The following RBBP4 variants were observed in gnomAD, a reference collection of about 807,000 sequenced individuals.
The protein encoded by RBBP4 is RB binding protein 4, chromatin remodeling factor.
A neutral mutation model predicts 57.2 loss-of-function variants in RBBP4; 3 were observed. The ratio of observed to expected loss-of-function variants is 0.05; its 90% CI spans 0.02 to 0.14. The LOEUF is 0.14. Among genes scored for constraint, RBBP4 ranks in the 10% least tolerant of loss-of-function variants. The pLI is 1.00. For synonymous variants in RBBP4, 151 were observed against 171.5 expected, an observed-to-expected ratio of 0.88 and a Z score of 0.93; for missense variants, 107 against 520.6, an observed-to-expected ratio of 0.21 and a Z score of 7.73.
chr1:32,670,410 T>C (rs1294938573), intron 8 of RBBP4, among the ~76,000 whole-genome samples: 1 of 152,168 alleles, frequency 6.6e-6, no homozygotes, highest in African/African-American at 2.4e-5. Context: ...ACGCTAAGCA[T>C]GTGGGAGTTT....
chr1:32,684,430 C>T lies in RBBP4; in HGVS notation c.*4725C>T, dbSNP rs1230071561. ...TTTCTAATGAGCCAAACAATAAAAACTCACATTGTCCACTCTTACTTATAA... is the reference window on the plus strand; with the variant it reads ...TTTCTAATGAGCCAAACAATAAAAATTCACATTGTCCACTCTTACTTATAA... On this transcript the variant is annotated 3_prime_UTR_variant, in exon 12 of 12. Transcript: ENST00000373493. 1 of 1,612,590 alleles carries T rather than the reference C, an allele frequency of 6.2e-7. No homozygotes were observed. The highest frequency in any genetic ancestry group is 8.5e-7 in the Non-Finnish European group (1 of 1,179,290).
At chr1:32,663,188 A>G (rs1265695571) in intron 3 of RBBP4, among the ~76,000 whole-genome samples, 1 of 152,132 alleles carries the variant, frequency 6.6e-6, no homozygotes, top group Non-Finnish European at 1.5e-5. Flanking sequence ...GACACAGTTC[A>G]TACCTTCTGG....
At chr1:32,676,674 T>TG (rs1649117638) in intron 11 of RBBP4, among the ~76,000 whole-genome samples, 1 of 152,076 alleles carries the variant, frequency 6.6e-6, no homozygotes, top group Non-Finnish European at 1.5e-5. Context: ...ACCTAGTTCT[T>TG]GGTTTCTTTA....
chr1:32,675,466 T>C (rs1428031290), intron 11 of RBBP4, among the ~76,000 whole-genome samples: 1 of 151,950 alleles, frequency 6.6e-6, no homozygotes, highest in South Asian at 2.1e-4. Context: ...CTTTGTAACA[T>C]TACTTATCAA....
intron 3 of RBBP4, among the ~76,000 whole-genome samples, chr1:32,658,929 TTA>T (rs1181245894): frequency 3.7e-4 from 12 of 32,850 alleles, no homozygotes; most frequent in Non-Finnish European, 7.5e-4. Context: ...AATATAAATG[TTA>T]TATTTATATA....
chr1:32,660,621 A>G (rs1027487676), intron 3 of RBBP4, among the ~76,000 whole-genome samples: 1 of 148,252 alleles, frequency 6.7e-6, no homozygotes, highest in Admixed American at 6.8e-5. Flanking sequence ...GCATGTCACT[A>G]TGTTGCTCAG....
chr1:32,676,330 TGTG>T lies in RBBP4; in HGVS notation c.1213-3305_1213-3303del, dbSNP rs201492216. On this transcript the variant is annotated intron_variant, in intron 11 of 11. Coordinates refer to ENST00000373493, the MANE Select transcript of RBBP4 (RefSeq NM_005610.3). ...TTTAGAAAGCTGATTACTGGCCAGG[TGTG>T]GTGGCTCACGCCTGTAATTCCAACA... Among the ~76,000 whole-genome samples the T allele has an allele frequency of 8.4e-3, 1,282 of 151,926 alleles. 21 individuals carry two copies. Among genetic ancestry groups the T allele is most frequent in the African/African-American group, 0.029 (1,184 of 41,468 alleles).
At chr1:32,670,395 T>C (rs1004644011) in intron 8 of RBBP4, among the ~76,000 whole-genome samples, 14 of 152,170 alleles carry the variant, frequency 9.2e-5, no homozygotes, top group African/African-American at 3.4e-4. Flanking sequence ...TGTTCCATTA[T>C]TGGAACGCTA....
chr1:32,672,274 C>G (rs563983672), intron 8 of RBBP4, among the ~76,000 whole-genome samples, 176 bp from the exon 9 acceptor site: 1 of 152,102 alleles, frequency 6.6e-6, no homozygotes, highest in Non-Finnish European at 1.5e-5. Context: ...GTGAGCCAAC[C>G]GCGCCTGCCC....
intron 3 of RBBP4, among the ~76,000 whole-genome samples, chr1:32,667,165 C>T (rs1648690062): frequency 6.6e-6 from 1 of 152,220 alleles, no homozygotes. Context: ...ATCCGGAGGC[C>T]TAAACCCCTC....
chr1:32,661,205 A>C (rs1259395934), intron 3 of RBBP4, among the ~76,000 whole-genome samples: 2 of 152,108 alleles, frequency 1.3e-5, no homozygotes, highest in Non-Finnish European at 2.9e-5. Context: ...GTGAACATAC[A>C]AGTGCACGTG....
rs28551576 is a variant in RBBP4, at chr1:32,670,784, T to C, written c.966+1221T>C. Among the ~76,000 whole-genome samples, 477 of 152,286 alleles carry C rather than the reference T, an allele frequency of 3.1e-3. 2 individuals are homozygous for C. The highest frequency in any genetic ancestry group is 0.011 in the African/African-American group (450 of 41,572). On this transcript the variant is annotated intron_variant, in intron 8 of 11. Coordinates refer to ENST00000373493, the MANE Select transcript of RBBP4 (RefSeq NM_005610.3). ...GGGAGGGCTTGTTTAGAAATTACTA[T>C]AATAAAAGATTTTGTCAAGTGTTAT...
chr1:32,678,654 A>G (rs923737021), intron 11 of RBBP4, among the ~76,000 whole-genome samples: 6 of 131,574 alleles, frequency 4.6e-5, no homozygotes, highest in African/African-American at 1.2e-4. Context: ...CAGTGGTGCA[A>G]TCTTGGCTCA....
In RBBP4 at chr1:32,669,179, A is replaced by G. The variant is rs1015225154; in HGVS notation, c.761+47A>G. On this transcript the variant is annotated intron_variant, in intron 6 of 11. Transcript: ENST00000373493. This position sits in a 1 kb window ranked among gnomAD's most constrained non-coding sequence, Gnocchi z 4.9. Reference sequence around the variant, plus strand: ...TTTCTAAATATCTTGTCTAAGTTTTATGTTTAGTCACCATTTCAAGGTTTT... The same window carrying G: ...TTTCTAAATATCTTGTCTAAGTTTTGTGTTTAGTCACCATTTCAAGGTTTT... 29 of 1,610,730 alleles carry G rather than the reference A, an allele frequency of 1.8e-5. No individual in the cohort carries two copies. Among genetic ancestry groups the G allele is most frequent in the Non-Finnish European group, 2.5e-5 (29 of 1,178,996 alleles).
intron 11 of RBBP4, chr1:32,673,409 T>C: frequency 2.5e-6 from 1 of 401,160 alleles, no homozygotes; most frequent in Non-Finnish European, 4.8e-6. Flanking sequence ...TATCTCTATC[T>C]CAAAGAATGT....
Position 32,683,568 on chromosome 1 carries a change from C to CA in RBBP4, c.*3863_*3864insA, listed in dbSNP as rs1557867248. The CA allele has an allele frequency of 1.3e-5, 2 of 153,478 alleles. No homozygotes were observed. The highest frequency in any genetic ancestry group is 1.3e-4 in the Admixed American group (2 of 15,396). The allele number at this position is 153,478 out of a possible 1,614,324, so 9.5% of individuals were successfully genotyped here. ...ATGAACTCTGAATGCCTGACTCAGG[C>CA]GTTTTGGAGGTTTGGGTTATCCCCT... On this transcript the variant is annotated 3_prime_UTR_variant, in exon 12 of 12. Transcript: ENST00000373493.
At chr1:32,677,761 A>C (rs946079001) in intron 11 of RBBP4, among the ~76,000 whole-genome samples, 3 of 152,172 alleles carry the variant, frequency 2.0e-5, no homozygotes, top group Non-Finnish European at 4.4e-5. Flanking sequence ...ATTTGGTGTT[A>C]GAAGTAACGT....
intron 4 of RBBP4, 26 bp from the exon 5 acceptor site, chr1:32,668,713 G>T: frequency 6.3e-7 from 1 of 1,582,266 alleles, no homozygotes; most frequent in South Asian, 1.1e-5. Flanking sequence ...GGACTGGGTA[G>T]TCTTGATGTG....
At position 32,683,857 on chromosome 1, in the gene RBBP4, T is replaced by C. The variant is rs1649616977; in HGVS notation, c.*4152T>C. The C allele has an allele frequency of 1.5e-6, 1 of 683,832 alleles. No individual in the cohort carries two copies. Among genetic ancestry groups the C allele is most frequent in the Non-Finnish European group, 2.5e-6 (1 of 402,522 alleles). 42.4% of individuals were successfully genotyped at this position (683,832 alleles called of 1,614,324 possible). The stretch of plus-strand genomic sequence containing the variant: ...CATGTTGGCCAGGCTGGTCTTGAAC[T>C]CCTGACTCCAGGTGATCCACCCTCC... On this transcript the variant is annotated 3_prime_UTR_variant, in exon 12 of 12. Transcript: ENST00000373493.
Sources: gnomAD v4.1 joint callset for allele counts (sites outside exome capture counted in the v4.1 genomes callset) on GRCh38, gnomAD v4.1.1 for gene constraint, Gnocchi (gnomAD v3.1) non-coding constraint, MANE v1.5 for transcripts, NCBI Gene and HGNC (gene_info 2026-07-23, HGNC 2026-07-21) for gene names.